TSNARE1: variants seen among roughly 807,000 people sequenced by gnomAD.
TSNARE1 encodes the protein t-SNARE domain containing 1.
A neutral mutation model predicts 62.0 loss-of-function variants in TSNARE1; 49 were observed. That is an observed-to-expected ratio of 0.79 (90% CI 0.63 to 1.00). The LOEUF (loss-of-function observed/expected upper bound fraction) is 1.00, where lower values mean the gene tolerates loss of function less well. Ranked by LOEUF, TSNARE1 falls within the 50% of genes least tolerant of loss-of-function variation. TSNARE1 has a pLI of 0.00. For synonymous variants in TSNARE1, 328 were observed against 294.4 expected (o/e 1.11, Z -1.17); for missense variants, 755 against 700.1 (o/e 1.08, Z -0.88).
At chr8:142,389,937 A>C (rs1029139561) in intron 1 of TSNARE1, among the ~76,000 whole-genome samples, 1 of 152,202 alleles carries the variant, frequency 6.6e-6, no homozygotes, top group Middle Eastern at 3.2e-3. Context: ...CTGGAGCCCA[A>C]TACACACCCA....
At chr8:142,361,336 A>T (rs1344218221) in intron 1 of TSNARE1, among the ~76,000 whole-genome samples, 2 of 152,236 alleles carry the variant, frequency 1.3e-5, no homozygotes, top group African/African-American at 4.8e-5. Context: ...GTGCCGGGTC[A>T]GTGAGGGCAC....
intron 6 of TSNARE1, among the ~76,000 whole-genome samples, chr8:142,325,129 C>T (rs1287636702): frequency 2.0e-5 from 3 of 152,204 alleles, no homozygotes; most frequent in East Asian, 1.9e-4. Flanking sequence ...GTGGCCAGGG[C>T]GAGTGGGCCG....
At chr8:142,272,881 C>T in intron 12 of TSNARE1, 4 of 984,476 alleles carry the variant, frequency 4.1e-6, no homozygotes, top group Non-Finnish European at 4.8e-6. Context: ...ACCCTCCTGA[C>T]ACCGTGGGGA....
chr8:142,277,635 G>A (rs1201755004), intron 11 of TSNARE1: 4 of 985,296 alleles, frequency 4.1e-6, no homozygotes, highest in Non-Finnish European at 4.8e-6. Context: ...TCTCGCTTGG[G>A]AATTCAACAC....
At chr8:142,352,716 G>A (rs1480252299) in intron 2 of TSNARE1, among the ~76,000 whole-genome samples, 1 of 152,202 alleles carries the variant, frequency 6.6e-6, no homozygotes, top group African/African-American at 2.4e-5. Context: ...TTCAAAACCT[G>A]CACAGCTCAG....
intron 12 of TSNARE1, chr8:142,274,427 C>T: frequency 1.0e-6 from 1 of 985,492 alleles, no homozygotes; most frequent in Non-Finnish European, 1.2e-6. Context: ...GTTCCCCGCC[C>T]CAGTATGGAC....
At chr8:142,324,534 C>T (rs56047976) in intron 6 of TSNARE1, among the ~76,000 whole-genome samples, 35,338 of 152,148 alleles carry the variant, frequency 0.23, 4,398 homozygotes, top group South Asian at 0.35. Context: ...GACCTGAGTA[C>T]GGAGGCTCTC....
At chr8:142,220,706 G>A (rs532671854) in intron 13 of TSNARE1, among the ~76,000 whole-genome samples, 35 of 152,346 alleles carry the variant, frequency 2.3e-4, no homozygotes, top group Non-Finnish European at 4.1e-4. Flanking sequence ...GCACTGAACT[G>A]TCCTGGGCCA....
At chr8:142,269,956 G>A (rs1165043544) in intron 12 of TSNARE1, 10 of 985,360 alleles carry the variant, frequency 1.0e-5, no homozygotes, top group South Asian at 9.4e-5. Flanking sequence ...TGCTCTCAGG[G>A]ATGCTGTAGT....
chr8:142,231,593 A>T (rs1482582560), intron 12 of TSNARE1, among the ~76,000 whole-genome samples: 2 of 152,186 alleles, frequency 1.3e-5, no homozygotes, highest in Admixed American at 6.5e-5. Flanking sequence ...CCCATGGCTT[A>T]GGATACTGGG....
intron 12 of TSNARE1, among the ~76,000 whole-genome samples, chr8:142,256,519 CACA>C (rs1818583962): frequency 6.8e-6 from 1 of 147,564 alleles, no homozygotes; most frequent in African/African-American, 2.5e-5. Context: ...TCACCACCAC[CACA>C]ACCATCACCA....
intron 1 of TSNARE1, among the ~76,000 whole-genome samples, chr8:142,381,894 G>GA (rs1836779980): frequency 6.6e-6 from 1 of 152,184 alleles, no homozygotes; most frequent in Non-Finnish European, 1.5e-5. Flanking sequence ...CTGCGTGTGG[G>GA]AGACACTGAG....
intron 1 of TSNARE1, among the ~76,000 whole-genome samples, chr8:142,361,745 C>T (rs1835178718): frequency 6.6e-6 from 1 of 152,160 alleles, no homozygotes; most frequent in South Asian, 2.1e-4. Flanking sequence ...GAACCTCAGG[C>T]GAGCTCCACA....
chr8:142,247,014 G>A (rs1037989363), intron 12 of TSNARE1, among the ~76,000 whole-genome samples: 13 of 152,148 alleles, frequency 8.5e-5, no homozygotes, highest in African/African-American at 3.1e-4. Context: ...CAGGTGCTGC[G>A]ACCAGCTATG....
chr8:142,280,443 AC>A, intron 11 of TSNARE1: 1 of 513,320 alleles, frequency 1.9e-6, no homozygotes, highest in Non-Finnish European at 2.5e-6. Context: ...TCGCATCGGC[AC>A]CCAGCATAGG....
At chr8:142,363,056 A>G (rs1395569921) in intron 1 of TSNARE1, among the ~76,000 whole-genome samples, 1 of 152,120 alleles carries the variant, frequency 6.6e-6, no homozygotes, top group Non-Finnish European at 1.5e-5. Flanking sequence ...CACAGCCACC[A>G]TGCTACACTC....
rs529811956 is a variant in TSNARE1 at position 142,375,574 on chromosome 8, A to G, written c.-39-20811T>C. 2.0e-5 allele frequency among the ~76,000 whole-genome samples: 3 copies of G among 152,342 alleles called. No homozygotes were observed. In the South Asian group the frequency reaches 6.2e-4, roughly 32 times the overall value. Reference sequence around the variant, plus strand: ...TTCCTGAATGCTCAGCCCACTGGGCAGCCTTCGGTGCACCTCCCGGTGAAG... The same window carrying G: ...TTCCTGAATGCTCAGCCCACTGGGCGGCCTTCGGTGCACCTCCCGGTGAAG... On this transcript the variant is annotated intron_variant, in intron 1 of 13. Transcript: ENST00000524325.
rs1208523364 is a variant in TSNARE1, at chr8:142,291,013, G to T, written c.1291-6528C>A. On this transcript the variant is annotated intron_variant, in intron 10 of 13. Coordinates refer to ENST00000524325, the MANE Select transcript of TSNARE1 (RefSeq NM_145003.5). This position sits in a 1 kb window ranked among gnomAD's most constrained non-coding sequence, Gnocchi z 4.8. ...GGACCAGTGCCCCGGTGAGCCTGCT[G>T]CACGCTGGCAGTGGACTGAAGGGCA... Among the ~76,000 whole-genome samples, 1 of 152,144 alleles carries T rather than the reference G, an allele frequency of 6.6e-6. No individual in the cohort carries two copies. Among genetic ancestry groups the T allele is most frequent in the Non-Finnish European group, 1.5e-5 (1 of 68,020 alleles).
At chr8:142,280,631 C>A (rs963322001) in intron 11 of TSNARE1, among the ~76,000 whole-genome samples, 3 of 152,192 alleles carry the variant, frequency 2.0e-5, no homozygotes, top group Non-Finnish European at 4.4e-5. Context: ...GGCATGAGTG[C>A]CCCTCGTGAT....
Sources: gnomAD v4.1 joint callset for allele counts (sites outside exome capture counted in the v4.1 genomes callset) on GRCh38, gnomAD v4.1.1 for gene constraint, Gnocchi (gnomAD v3.1) non-coding constraint, MANE v1.5 for transcripts, NCBI Gene and HGNC (gene_info 2026-07-23, HGNC 2026-07-21) for gene names.